BABAM2: variants seen among roughly 807,000 people sequenced by gnomAD.
BABAM2 encodes the protein BRISC and BRCA1-A complex member 2.
Under a neutral mutation model 54.7 loss-of-function variants are expected in BABAM2, and 31 were observed. The observed-to-expected ratio is 0.57, with a 90% CI of 0.43 to 0.77. BABAM2 has a LOEUF of 0.77. Ranked by LOEUF, BABAM2 falls within the 30% of genes least tolerant of loss-of-function variation. BABAM2 has a pLI of 0.00. For synonymous variants in BABAM2, 167 were observed against 162.9 expected (o/e 1.03, Z -0.19); for missense variants, 364 against 455.8 (o/e 0.80, Z 1.83).
At chr2:28,155,153 G>T (rs1672430009) in intron 7 of BABAM2, among the ~76,000 whole-genome samples, 1 of 151,982 alleles carries the variant, frequency 6.6e-6, no homozygotes, top group Admixed American at 6.6e-5. Flanking sequence ...AAAAGATAAA[G>T]AAAAAAGTAC....
chr2:28,070,562 T>C (rs992542485), intron 6 of BABAM2, among the ~76,000 whole-genome samples: 1 of 151,382 alleles, frequency 6.6e-6, no homozygotes, highest in African/African-American at 2.4e-5. Context: ...TTTTCTTTTT[T>C]TTTTTGAGAC....
In BABAM2 at chr2:28,032,728, A is replaced by C. The variant is rs1188450292; in HGVS notation, c.495+7308A>C. Among the ~76,000 whole-genome samples the C allele has an allele frequency of 3.3e-5, 5 of 152,142 alleles. No homozygotes were observed. In the South Asian group the frequency reaches 1.0e-3, roughly 32 times the overall value. ...TGAAAACAGATGCATATTGGGATGC[A>C]AGCTTAATGTTAAGAATGAAGAAGA... On this transcript the variant is annotated intron_variant, in intron 5 of 11. Coordinates refer to ENST00000379624, the MANE Select transcript of BABAM2 (RefSeq NM_199191.3).
intron 7 of BABAM2, among the ~76,000 whole-genome samples, chr2:28,215,853 T>C (rs1679873915): frequency 6.6e-6 from 1 of 152,242 alleles, no homozygotes; most frequent in Non-Finnish European, 1.5e-5. Context: ...TGTAACTGTA[T>C]TTTAAGCCAG....
Position 28,025,113 on chromosome 2 carries a change from G to A in BABAM2, c.301-113G>A, listed in dbSNP as rs1675552683. The A allele has an allele frequency of 7.1e-6, 7 of 985,966 alleles. No homozygotes were observed. In the South Asian group the frequency reaches 1.5e-4, roughly 21 times the overall value. The allele number at this position is 985,966 out of a possible 1,614,324, so 61.1% of individuals were successfully genotyped here. A position where few individuals can be genotyped will look rare whatever the true frequency, so the allele number is the denominator to read the frequency against. ...GTATATGGCTAAGGAGGAGTAGTCT[G>A]TTCCTCTTAGATTTCTATTACTCTT... is the stretch of plus-strand genomic sequence containing the variant. On this transcript the variant is annotated intron_variant, in intron 4 of 11. Transcript: ENST00000379624.
intron 6 of BABAM2, among the ~76,000 whole-genome samples, chr2:28,120,466 A>G (rs1668974757): frequency 6.6e-6 from 1 of 152,200 alleles, no homozygotes; most frequent in Non-Finnish European, 1.5e-5. Context: ...TTAAGAGGCT[A>G]GGGTCTGAGT....
At chr2:28,062,792 C>T (rs1424788084) in intron 6 of BABAM2, among the ~76,000 whole-genome samples, 1 of 152,128 alleles carries the variant, frequency 6.6e-6, no homozygotes, top group East Asian at 1.9e-4. Flanking sequence ...TTGATGAACA[C>T]TCAGGTGTAG....
At chr2:27,890,309 C>T, upstream of BABAM2, 1 of 1,613,924 alleles carries the variant, frequency 6.2e-7, no homozygotes, top group Non-Finnish European at 8.5e-7. This position sits in a 1 kb window ranked among gnomAD's most constrained non-coding sequence, Gnocchi z 4.8. Context: ...GCCACCTCCT[C>T]TTGCCACTGC....
intron 7 of BABAM2, among the ~76,000 whole-genome samples, chr2:28,229,607 CAG>C (rs1681193453): frequency 6.9e-6 from 1 of 145,912 alleles, no homozygotes; most frequent in South Asian, 2.1e-4. Flanking sequence ...TTTTTTGAGA[CAG>C]AGTCTTGCTC....
At chr2:28,145,043 AT>A (rs1011329515) in intron 7 of BABAM2, among the ~76,000 whole-genome samples, 34 of 152,350 alleles carry the variant, frequency 2.2e-4, no homozygotes, top group Admixed American at 4.6e-4. Context: ...GGCCACCCAC[AT>A]TCTGAATCTA....
chr2:27,893,924 G>C (rs1335363191), intron 1 of BABAM2, among the ~76,000 whole-genome samples: 4 of 150,966 alleles, frequency 2.6e-5, no homozygotes, highest in African/African-American at 9.8e-5. Flanking sequence ...AACCCGGGAG[G>C]TGGAGTTTGC....
At chr2:28,276,974 T>C (rs1414499030) in intron 10 of BABAM2, among the ~76,000 whole-genome samples, 1 of 152,226 alleles carries the variant, frequency 6.6e-6, no homozygotes, top group Non-Finnish European at 1.5e-5. Context: ...GCCATTGCTT[T>C]GTTCTGAGGC....
intron 10 of BABAM2, among the ~76,000 whole-genome samples, chr2:28,262,312 A>G (rs1684607942): frequency 6.6e-6 from 1 of 152,212 alleles, no homozygotes; most frequent in Non-Finnish European, 1.5e-5. Context: ...GCAAGGAGTT[A>G]TTGAAGAGTG....
chr2:28,218,924 C>T (rs896816080), intron 7 of BABAM2, among the ~76,000 whole-genome samples: 1 of 152,192 alleles, frequency 6.6e-6, no homozygotes, highest in African/African-American at 2.4e-5. Flanking sequence ...CACACCATTA[C>T]TGTCATTATT....
At chr2:28,217,192 G>A (rs541202883) in intron 7 of BABAM2, among the ~76,000 whole-genome samples, 1 of 152,188 alleles carries the variant, frequency 6.6e-6, no homozygotes, top group South Asian at 2.1e-4. Context: ...GCAGTGTCTT[G>A]TTTACTGTCA....
intron 11 of BABAM2, among the ~76,000 whole-genome samples, chr2:28,316,206 G>A (rs1689538641): frequency 6.6e-6 from 1 of 152,142 alleles, no homozygotes; most frequent in Non-Finnish European, 1.5e-5. Flanking sequence ...AGCAGGTCAG[G>A]AATCAGCCAG....
chr2:28,015,069 G>A (rs2148540978), intron 4 of BABAM2, among the ~76,000 whole-genome samples: 1 of 152,272 alleles, frequency 6.6e-6, no homozygotes, highest in Admixed American at 6.5e-5. Context: ...GCAAATGGCT[G>A]TTTCTCTGGT....
At chr2:28,197,726 C>T (rs1043046518) in intron 7 of BABAM2, among the ~76,000 whole-genome samples, 3 of 152,120 alleles carry the variant, frequency 2.0e-5, no homozygotes, top group East Asian at 1.9e-4. Flanking sequence ...TCTGTTTCTC[C>T]CAGTATGTAT....
At chr2:28,154,912 A>G (rs537617408) in intron 7 of BABAM2, among the ~76,000 whole-genome samples, 32 of 152,290 alleles carry the variant, frequency 2.1e-4, no homozygotes, top group African/African-American at 3.9e-4. Context: ...AATACACTTT[A>G]TAGTTGAGAA....
chr2:28,090,246 A>C (rs1372742150), intron 6 of BABAM2, among the ~76,000 whole-genome samples: 1 of 152,190 alleles, frequency 6.6e-6, no homozygotes, highest in South Asian at 2.1e-4. Flanking sequence ...AAGGTAAATT[A>C]TCTCTCTCTC....
Sources: gnomAD v4.1 joint callset for allele counts (sites outside exome capture counted in the v4.1 genomes callset) on GRCh38, gnomAD v4.1.1 for gene constraint, Gnocchi (gnomAD v3.1) non-coding constraint, MANE v1.5 for transcripts, NCBI Gene and HGNC (gene_info 2026-07-23, HGNC 2026-07-21) for gene names.